ABHD10: variants seen among roughly 807,000 people sequenced by gnomAD.
ABHD10 encodes abhydrolase domain containing 10, depalmitoylase.
In ABHD10, 22 loss-of-function variants were observed where a neutral mutation model predicts 33.1. That is an observed-to-expected ratio of 0.66 (90% CI 0.47 to 0.95). The LOEUF (loss-of-function observed/expected upper bound fraction) is 0.95. Ranked by LOEUF, ABHD10 falls within the 40% of genes least tolerant of loss-of-function variation. The probability of loss-of-function intolerance (pLI) is 0.00; values close to 1 mark genes in which losing one functional copy is unlikely to be tolerated. For missense variants in ABHD10, 352 were observed against 379.9 expected, an observed-to-expected ratio of 0.93 and a Z score of 0.61; for synonymous variants, 146 against 133.9, an observed-to-expected ratio of 1.09 and a Z score of -0.62.
chr3:111,992,854 A>T lies in ABHD10; in HGVS notation c.*1133A>T, dbSNP rs1266379141. On this transcript the variant is annotated 3_prime_UTR_variant, in exon 5 of 5. Coordinates refer to ENST00000273359, the MANE Select transcript of ABHD10 (RefSeq NM_018394.4). ...AGAAACTGAGTATTTATGGGCATTG[A>T]AGAAAAAATGTTGAGATAAAATTGC... 1.3e-5 allele frequency: 2 copies of T among 152,184 alleles called. No individual in the cohort carries two copies. The highest frequency in any genetic ancestry group is 2.9e-5 in the Non-Finnish European group (2 of 68,030). 9.4% of individuals were successfully genotyped at this position (152,184 alleles called of 1,614,324 possible).
chr3:111,990,787 T>G (rs763058654), intron 4 of ABHD10: 8 of 1,119,948 alleles, frequency 7.1e-6, no homozygotes, highest in Middle Eastern at 2.0e-4. Flanking sequence ...ATTACTCTTA[T>G]TTTTTTATTC....
At chr3:111,984,523 A>G (rs977292640) in intron 2 of ABHD10, among the ~76,000 whole-genome samples, 37 of 152,194 alleles carry the variant, frequency 2.4e-4, no homozygotes, top group African/African-American at 8.2e-4. Context: ...AAGTTCATCA[A>G]TTTGTCTAAA....
chr3:111,984,425 G>A (rs147380801), intron 2 of ABHD10, among the ~76,000 whole-genome samples: 106 of 152,298 alleles, frequency 7.0e-4, no homozygotes, highest in African/African-American at 2.4e-3. Context: ...CAGTAAAGAA[G>A]ATGATGGAAG....
intron 4 of ABHD10, among the ~76,000 whole-genome samples, chr3:111,988,873 A>AGCCACT (rs2072706397): frequency 6.6e-6 from 1 of 152,188 alleles, no homozygotes; most frequent in South Asian, 2.1e-4. Flanking sequence ...TAGAGACACA[A>AGCCACT]GCCACTGTGC....
chr3:111,991,756 TC>T lies in ABHD10; in HGVS notation c.*37del. ...TTTAGTTGGTATGTAAACTAATGTA[TC>T]CAGAAGATTGGAAGAGGGATAAGAA... is the stretch of plus-strand genomic sequence containing the variant. On this transcript the variant is annotated 3_prime_UTR_variant, in exon 5 of 5. Transcript: ENST00000273359. The T allele has an allele frequency of 6.7e-7, 1 of 1,492,642 alleles. No homozygotes were observed. Among genetic ancestry groups the T allele is most frequent in the Non-Finnish European group, 9.2e-7 (1 of 1,092,732 alleles). 92.5% of individuals were successfully genotyped at this position (1,492,642 alleles called of 1,614,324 possible). A position where few individuals can be genotyped will look rare whatever the true frequency, so the allele number is the denominator to read the frequency against.
chr3:111,987,655 C>T (rs7615909), intron 4 of ABHD10, among the ~76,000 whole-genome samples: 31,602 of 152,154 alleles, frequency 0.21, 3,393 homozygotes, highest in Middle Eastern at 0.28. Flanking sequence ...TAAATTGTTG[C>T]TATACTGTAT....
At chr3:111,989,136 A>G (rs1229925235) in intron 4 of ABHD10, among the ~76,000 whole-genome samples, 1 of 152,214 alleles carries the variant, frequency 6.6e-6, no homozygotes, top group African/African-American at 2.4e-5. Flanking sequence ...AACAATGTCA[A>G]CGGAGCAGAT....
chr3:111,989,112 A>G (rs2072709536), intron 4 of ABHD10, among the ~76,000 whole-genome samples: 1 of 152,202 alleles, frequency 6.6e-6, no homozygotes, highest in Non-Finnish European at 1.5e-5. Flanking sequence ...TTCTCCACAT[A>G]AACAGCTAGC....
At position 111,991,453 on chromosome 3, in the gene ABHD10, A is replaced by G; in HGVS notation, c.653A>G (p.Gln218Arg). Reference protein sequence around the residue: ...KYSEEGVYNVQYSFIKEAEHH... With the variant: ...KYSEEGVYNVRYSFIKEAEHH... ...TCTGAAGAAGGAGTTTATAACGTTC[A>G]GTACAGTTTCATTAAAGAAGCTGAA... The change falls in exon 5 of 5, where the codon CAG (glutamine) becomes CGG (arginine). Residue 218 changes from glutamine (Q) to arginine (R), a missense_variant. Transcript: ENST00000273359. The G allele has an allele frequency of 6.2e-7, 1 of 1,614,072 alleles. No individual in the cohort carries two copies. Among genetic ancestry groups the G allele is most frequent in the Non-Finnish European group, 8.5e-7 (1 of 1,179,958 alleles).
At chr3:111,986,208 A>T in intron 2 of ABHD10, 56 bp from the exon 3 acceptor site, 1 of 971,800 alleles carries the variant, frequency 1.0e-6, no homozygotes, top group Admixed American at 2.1e-5. Context: ...TTTCTTAAAA[A>T]TTAAAGAAGC....
At position 111,981,885 on chromosome 3, in the gene ABHD10, C is replaced by A; in HGVS notation, c.244C>A (p.Pro82Thr). ...KGKSPGIIFI[P>T]GYLSYMNGTK... is the part of the protein sequence containing the mutation. ...CAAAAGTCCAGGAATTATCTTCATC[C>A]CTGGCTATCTTTCTTATATGAATGG... Residue 82 changes from proline to threonine, a missense_variant, in exon 2 of 5, where the codon CCT becomes ACT. Transcript: ENST00000273359. 1 of 1,607,916 alleles carries A rather than the reference C, an allele frequency of 6.2e-7. No homozygotes were observed. Among genetic ancestry groups the A allele is most frequent in the Non-Finnish European group, 8.5e-7 (1 of 1,175,630 alleles).
At chr3:111,979,646 A>T (rs761178489) in intron 1 of ABHD10, among the ~76,000 whole-genome samples, 7 of 152,242 alleles carry the variant, frequency 4.6e-5, no homozygotes, top group Non-Finnish European at 1.0e-4. Context: ...AGACGCCCTC[A>T]TAAGCCTAAT....
At chr3:111,986,830 A>G (rs2072670725) in intron 3 of ABHD10, 84 bp from the exon 4 acceptor site, 6 of 992,136 alleles carry the variant, frequency 6.0e-6, no homozygotes, top group Non-Finnish European at 7.0e-6. Flanking sequence ...TTTACTTTCT[A>G]ATTTTTTATT....
chr3:111,982,146 A>G (rs2072593242), intron 2 of ABHD10, 179 bp downstream of exon 2: 2 of 492,932 alleles, frequency 4.1e-6, no homozygotes, highest in South Asian at 1.8e-4. Context: ...GACCTTTTTT[A>G]AAGGCCTTTG....
Position 111,991,597 on chromosome 3 carries a change from G to C in ABHD10, c.797G>C (p.Ser266Thr). Residue 266 changes from serine to threonine, a missense_variant, in exon 5 of 5, where the codon AGC (serine) becomes ACC (threonine). Transcript: ENST00000273359. ...ATGCAGGTTGCCGATCGAGTACTCA[G>C]CACAGATGTGGATGTCATCCTCCGA... The part of the protein sequence containing the change: ...TSMQVADRVL[S>T]TDVDVILRKH... 1 of 1,614,108 alleles carries C rather than the reference G, an allele frequency of 6.2e-7. No homozygotes were observed. Among genetic ancestry groups the C allele is most frequent in the Non-Finnish European group, 8.5e-7 (1 of 1,179,982 alleles).
At position 111,992,813 on chromosome 3, in the gene ABHD10, T is replaced by C. The variant is rs1294528320; in HGVS notation, c.*1092T>C. The C allele has an allele frequency of 1.3e-5, 2 of 152,176 alleles. No individual in the cohort carries two copies. The highest frequency in any genetic ancestry group is 2.9e-5 in the Non-Finnish European group (2 of 68,028). The allele number at this position is 152,176 out of a possible 1,614,324, so 9.4% of individuals were successfully genotyped here. On this transcript the variant is annotated 3_prime_UTR_variant, in exon 5 of 5. Transcript: ENST00000273359. ...GGAAACCAGCAGATAGTAAACCTGGTTCAAAGTACAATTCAAGAAACTGAG... is the reference window on the plus strand; with the variant it reads ...GGAAACCAGCAGATAGTAAACCTGGCTCAAAGTACAATTCAAGAAACTGAG...
At chr3:111,982,105 T>G (rs1362823865) in intron 2 of ABHD10, 138 bp downstream of exon 2, 2 of 738,266 alleles carry the variant, frequency 2.7e-6, no homozygotes, top group Non-Finnish European at 3.8e-6. Context: ...CATCTTGTGA[T>G]TTAGGGTAAT....
At chr3:111,984,053 A>G (rs1249698810) in intron 2 of ABHD10, among the ~76,000 whole-genome samples, 2 of 152,114 alleles carry the variant, frequency 1.3e-5, no homozygotes, top group South Asian at 2.1e-4. Flanking sequence ...TCCTCACCAT[A>G]TATTTGGAAG....
chr3:111,991,319 A>G lies in ABHD10; in HGVS notation c.577-58A>G, dbSNP rs557206230. 10 of 1,416,038 alleles carry G rather than the reference A, an allele frequency of 7.1e-6. No individual in the cohort carries two copies. In the South Asian group the frequency reaches 1.2e-4, roughly 16 times the overall value. 87.7% of individuals were successfully genotyped at this position (1,416,038 alleles called of 1,614,324 possible). On this transcript the variant is annotated intron_variant, in intron 4 of 4. Transcript: ENST00000273359. ...TCATTAGATTACTTAAAACTATTGC[A>G]TGTGTTAATGTTGCCTAAAGTCACA...
Sources: allele counts gnomAD v4.1 joint callset (sites outside exome capture counted in the v4.1 genomes callset), GRCh38; gene constraint gnomAD v4.1.1; transcripts MANE v1.5; gene names NCBI Gene and HGNC (gene_info 2026-07-23, HGNC 2026-07-21).